The following HMGXB4 variants were observed in gnomAD, a reference collection of about 807,000 sequenced individuals.
HMGXB4 encodes HMG-box containing 4.
Under a neutral mutation model 63.9 loss-of-function variants are expected in HMGXB4, and 27 were observed. The ratio of observed to expected loss-of-function variants is 0.42; its 90% confidence interval spans 0.31 to 0.58. HMGXB4 has a LOEUF of 0.58. HMGXB4 is among the 20% of genes least tolerant of loss of function. The pLI is 0.13. For missense variants in HMGXB4, 624 were observed against 700.7 expected, an observed-to-expected ratio of 0.89 and a Z score of 1.24; for synonymous variants, 264 against 265.3, an observed-to-expected ratio of 0.99 and a Z score of 0.05.
chr22:35,270,021 A>G (rs962520656), intron 5 of HMGXB4, among the ~76,000 whole-genome samples: 4 of 152,186 alleles, frequency 2.6e-5, no homozygotes, highest in African/African-American at 9.6e-5. Context: ...GAGAAATAAA[A>G]TTGAAGAGGT....
rs371904749 is a variant in HMGXB4, at chr22:35,282,964, A to G, written c.1216-998A>G. On this transcript the variant is annotated intron_variant, in intron 5 of 10. Coordinates refer to ENST00000216106, the MANE Select transcript of HMGXB4 (RefSeq NM_001003681.3). ...ATTTCTTGTTGAACTGACTTTAAAA[A>G]TAATTTGATTTTGTTTCTCAAAAAT... Among the ~76,000 whole-genome samples the G allele has an allele frequency of 8.5e-5, 13 of 152,384 alleles. No individual in the cohort carries two copies. The East Asian group carries it at 2.5e-3, about 29-fold the overall frequency.
chr22:35,282,369 G>C (rs1020640620), intron 5 of HMGXB4, among the ~76,000 whole-genome samples: 1 of 152,048 alleles, frequency 6.6e-6, no homozygotes, highest in Non-Finnish European at 1.5e-5. Context: ...GTAGAGACGG[G>C]GTTTCACCGT....
intron 1 of HMGXB4, chr22:35,258,560 C>G (rs1299083767): frequency 6.6e-6 from 1 of 152,330 alleles, no homozygotes; most frequent in Non-Finnish European, 1.5e-5. Context: ...GTCGGGATCT[C>G]TGCAGCTTCC....
intron 9 of HMGXB4, 53 bp downstream of exon 9, chr22:35,288,460 T>A (rs1251439381): frequency 7.9e-6 from 11 of 1,393,318 alleles, no homozygotes; most frequent in Non-Finnish European, 1.1e-5. Flanking sequence ...GTTTCCCATA[T>A]AATTTTGATT....
rs59290559 is a variant in HMGXB4 at position 35,275,110 on chromosome 22, CTTTTTT to C, written c.1216-8831_1216-8826del. On this transcript the variant is annotated intron_variant, in intron 5 of 10. Transcript: ENST00000216106. ...ACGTAGTATTAACATCACCAAATTT[CTTTTTT>C]TTTTTTTTTTTTTTTTTTTTGAGAC... Among the ~76,000 whole-genome samples, 990 of 103,492 alleles carry C rather than the reference CTTTTTT, an allele frequency of 9.6e-3. 10 individuals are homozygous for C. Among genetic ancestry groups the C allele is most frequent in the East Asian group, 0.057 (204 of 3,604 alleles). 67.9% of individuals were successfully genotyped at this position (103,492 alleles called of 152,430 possible). A position where few individuals can be genotyped will look rare whatever the true frequency, so the allele number is the denominator to read the frequency against.
intron 10 of HMGXB4, 81 bp downstream of exon 10, chr22:35,293,195 A>G (rs1040062073): frequency 2.0e-6 from 3 of 1,513,530 alleles, no homozygotes; most frequent in African/African-American, 1.4e-5. Context: ...TCAGACACAC[A>G]TAAGGCTTTG....
rs73883599 is a variant in HMGXB4 at position 35,290,168 on chromosome 22, G to A, written c.1638+1761G>A. ...TCAGATTTAATCATTCTTACGTTTC[G>A]TAAGAAGTTAGAAGTAAAAACAGTT... On this transcript the variant is annotated intron_variant, in intron 9 of 10. Coordinates refer to ENST00000216106, the MANE Select transcript of HMGXB4 (RefSeq NM_001003681.3). 4.3e-3 allele frequency among the ~76,000 whole-genome samples: 656 copies of A among 152,166 alleles called. 6 individuals carry two copies. The highest frequency in any genetic ancestry group is 0.014 in the African/African-American group (597 of 41,536).
upstream of HMGXB4, among the ~76,000 whole-genome samples, chr22:35,253,616 C>CGTGTGT (rs398061917): frequency 4.7e-5 from 5 of 106,412 alleles, no homozygotes; most frequent in African/African-American, 1.4e-4. Context: ...CGCGCGCGCG[C>CGTGTGT]GTGTGTGTGT....
intron 9 of HMGXB4, among the ~76,000 whole-genome samples, chr22:35,290,495 A>C (rs895320030): frequency 6.6e-6 from 1 of 151,980 alleles, no homozygotes; most frequent in East Asian, 1.9e-4. Context: ...AATACAAAAA[A>C]TTAGCTGGGC....
chr22:35,254,263 G>A (rs975981081), upstream of HMGXB4, among the ~76,000 whole-genome samples: 1 of 152,188 alleles, frequency 6.6e-6, no homozygotes, highest in African/African-American at 2.4e-5. Flanking sequence ...CATGGGAAAA[G>A]GCATTCTTAT....
intron 1 of HMGXB4, chr22:35,258,336 CCT>C (rs1922595050): frequency 6.6e-6 from 1 of 152,168 alleles, no homozygotes; most frequent in Non-Finnish European, 1.5e-5. Context: ...ATCTCTGTCC[CCT>C]CTTTTGGAGG....
intron 5 of HMGXB4, among the ~76,000 whole-genome samples, chr22:35,269,633 T>G (rs1018847885): frequency 3.3e-5 from 5 of 152,102 alleles, no homozygotes; most frequent in African/African-American, 1.2e-4. Context: ...AGCAGGCAGT[T>G]TGGGGTTTAT....
intron 5 of HMGXB4, among the ~76,000 whole-genome samples, chr22:35,266,279 C>G (rs1229592856): frequency 6.6e-6 from 1 of 152,214 alleles, no homozygotes; most frequent in Non-Finnish European, 1.5e-5. Flanking sequence ...TAAAAACAGA[C>G]TATCAAAATT....
intron 8 of HMGXB4, 22 bp downstream of exon 8, chr22:35,287,474 T>A: frequency 6.5e-7 from 1 of 1,539,226 alleles, no homozygotes; most frequent in Non-Finnish European, 9.0e-7. Context: ...ATCCCGCCCC[T>A]GCTTTTCTCT....
upstream of HMGXB4, among the ~76,000 whole-genome samples, chr22:35,255,911 A>G (rs981083150): frequency 1.3e-5 from 2 of 152,244 alleles, no homozygotes; most frequent in African/African-American, 2.4e-5. Flanking sequence ...GGTGAAACTC[A>G]TTGCCTGTCT....
the HMGXB4 span, among the ~76,000 whole-genome samples, chr22:35,252,248 C>G: frequency 6.6e-6 from 1 of 152,112 alleles, no homozygotes; most frequent in Admixed American, 6.5e-5. Flanking sequence ...ACACTAAACA[C>G]GAGATCTGCC....
chr22:35,248,109 G>A, the HMGXB4 span, among the ~76,000 whole-genome samples: 4 of 152,188 alleles, frequency 2.6e-5, no homozygotes, highest in African/African-American at 9.6e-5. Context: ...CAATTGTATT[G>A]TATCTAAACA....
intron 5 of HMGXB4, among the ~76,000 whole-genome samples, chr22:35,277,289 T>A (rs886441949): frequency 2.6e-5 from 4 of 152,240 alleles, no homozygotes; most frequent in African/African-American, 9.6e-5. Flanking sequence ...CCTTCTTGTC[T>A]CATTTTATTT....
intron 8 of HMGXB4, among the ~76,000 whole-genome samples, chr22:35,287,742 A>G (rs1272763361): frequency 6.6e-6 from 1 of 152,210 alleles, no homozygotes; most frequent in Non-Finnish European, 1.5e-5. Flanking sequence ...TGAGGTCAGG[A>G]GTTCGACACC....
Sources: allele counts gnomAD v4.1 joint callset (sites outside exome capture counted in the v4.1 genomes callset), GRCh38; gene constraint gnomAD v4.1.1; transcripts MANE v1.5; gene names NCBI Gene and HGNC (gene_info 2026-07-23, HGNC 2026-07-21).